The following BTBD7 variants were observed in gnomAD, a reference collection of about 807,000 sequenced individuals.
The protein encoded by BTBD7 is BTB domain containing 7, also known as BTB/POZ domain-containing protein 7.
A neutral mutation model predicts 99.9 loss-of-function variants in BTBD7; 38 were observed. The ratio of observed to expected loss-of-function variants is 0.38; its 90% CI spans 0.29 to 0.50. The LOEUF (loss-of-function observed/expected upper bound fraction) is 0.50. Among genes scored for constraint, BTBD7 ranks in the 20% least tolerant of loss-of-function variants. The probability of loss-of-function intolerance (pLI) is 0.93; values close to 1 mark genes in which losing one functional copy is unlikely to be tolerated. For missense variants in BTBD7, 1,170 were observed against 1,394.6 expected, an observed-to-expected ratio of 0.84 and a Z score of 2.57; for synonymous variants, 520 against 511.4, an observed-to-expected ratio of 1.02 and a Z score of -0.23.
At chr14:93,263,122 G>A (rs11629322) in intron 4 of BTBD7, among the ~76,000 whole-genome samples, 25,974 of 152,090 alleles carry the variant, frequency 0.17, 2,395 homozygotes, top group East Asian at 0.31. Flanking sequence ...GCATTAAAAC[G>A]GTTGTACAGT....
intron 6 of BTBD7, chr14:93,256,229 G>C (rs917838544): frequency 6.6e-6 from 1 of 152,020 alleles, no homozygotes; most frequent in Non-Finnish European, 1.5e-5. Flanking sequence ...ACATTGACTT[G>C]TGATAGTTCG....
At chr14:93,277,619 T>G (rs1057102556) in intron 3 of BTBD7, among the ~76,000 whole-genome samples, 1 of 152,196 alleles carries the variant, frequency 6.6e-6, no homozygotes, top group African/African-American at 2.4e-5. Context: ...CCGTCTACCC[T>G]AGGGGGTTAC....
At chr14:93,268,757 T>TC (rs1491583522) in intron 3 of BTBD7, among the ~76,000 whole-genome samples, 1 of 81,726 alleles carries the variant, frequency 1.2e-5, no homozygotes, top group Non-Finnish European at 2.3e-5. Flanking sequence ...AACTTAGACC[T>TC]TTTTTTTTTT....
Position 93,276,892 on chromosome 14 carries a change from ATTTTTTTTT to A in BTBD7, c.1163-12908_1163-12900del, listed in dbSNP as rs549579457. The stretch of plus-strand genomic sequence containing the variant: ...CCACGACACACACACACACAGATTA[ATTTTTTTTT>A]TTTTTTTTTTTTTTTTTTGAGATGG... On this transcript the variant is annotated intron_variant, in intron 3 of 10. Coordinates refer to ENST00000334746, the MANE Select transcript of BTBD7 (RefSeq NM_001002860.4). 5.0e-4 allele frequency among the ~76,000 whole-genome samples: 40 copies of A among 80,408 alleles called. 1 individual carries two copies. Among genetic ancestry groups the A allele is most frequent in the Middle Eastern group, 0.016 (2 of 122 alleles). 52.8% of individuals were successfully genotyped at this position (80,408 alleles called of 152,430 possible).
Position 93,251,474 on chromosome 14 carries a change from T to C in BTBD7, c.1931A>G (p.Asn644Ser), listed in dbSNP as rs1248569660. 8 of 1,592,670 alleles carry C rather than the reference T, an allele frequency of 5.0e-6. No homozygotes were observed. The highest frequency in any genetic ancestry group is 1.7e-5 in the Admixed American group (1 of 58,926). ...NQSSPPSVVA[N>S]EIPVPRLLIM... Reference sequence around the variant, plus strand: ...ACATACTGCCTTACCTGGAATTTCGTTGGCTACAACTGAAGGAGGGCTTGA... The same window carrying C: ...ACATACTGCCTTACCTGGAATTTCGCTGGCTACAACTGAAGGAGGGCTTGA... The change falls in exon 8 of 11, where the codon AAC (asparagine) becomes AGC (serine). Residue 644 changes from asparagine to serine, a missense_variant. Asn to Ser is a conservative substitution (Grantham distance 46). Transcript: ENST00000334746.
chr14:93,259,259 T>G (rs756932950), intron 5 of BTBD7, among the ~76,000 whole-genome samples: 4 of 152,192 alleles, frequency 2.6e-5, no homozygotes, highest in Non-Finnish European at 5.9e-5. Context: ...CCAACAGCAC[T>G]GTAACTCACG....
intron 3 of BTBD7, among the ~76,000 whole-genome samples, chr14:93,276,148 C>T (rs11846683): frequency 0.083 from 12,610 of 152,186 alleles, 553 homozygotes; most frequent in Middle Eastern, 0.13. Context: ...CTTGGGAGGT[C>T]AAGGTTGCAG....
chr14:93,305,542 A>T (rs1292779743), intron 1 of BTBD7, among the ~76,000 whole-genome samples: 2 of 152,252 alleles, frequency 1.3e-5, no homozygotes, highest in Non-Finnish European at 2.9e-5. Flanking sequence ...GGGCTTTCTT[A>T]TAACTATGGT....
chr14:93,265,788 G>A (rs7146258), intron 3 of BTBD7, among the ~76,000 whole-genome samples: 1,939 of 152,240 alleles, frequency 0.013, 46 homozygotes, highest in African/African-American at 0.045. Context: ...TGGGTGTGGC[G>A]GCAAGTGCCT....
At chr14:93,321,887 G>A (rs2139824232) in intron 1 of BTBD7, among the ~76,000 whole-genome samples, 1 of 152,042 alleles carries the variant, frequency 6.6e-6, no homozygotes, top group Non-Finnish European at 1.5e-5. Context: ...CTCTTTTCTT[G>A]GTGAAAATAA....
intron 3 of BTBD7, among the ~76,000 whole-genome samples, chr14:93,283,695 G>A (rs1472916219): frequency 6.6e-6 from 1 of 152,166 alleles, no homozygotes; most frequent in East Asian, 1.9e-4. Flanking sequence ...GGGATTACAG[G>A]TGTGCGCCAC....
chr14:93,242,928 A>G lies in BTBD7; in HGVS notation c.2744T>C (p.Ile915Thr), dbSNP rs1357432960. 1 of 1,613,986 alleles carries G rather than the reference A, an allele frequency of 6.2e-7. No individual in the cohort carries two copies. The highest frequency in any genetic ancestry group is 1.3e-5 in the African/African-American group (1 of 74,878). The change falls in exon 11 of 11, where the codon ATT becomes ACT. Residue 915 changes from isoleucine to threonine, a missense_variant. Ile to Thr is a moderately conservative substitution (Grantham distance 89). Around this residue, in one of 4 missense-constraint regions of BTBD7, gnomAD observed 495 missense variants for 525.9 expected, o/e 0.94. Transcript: ENST00000334746. ...GPGPPQHLSC[I>T]PQRHTHTSRK... ...AGAAGTGTGTGTATGTCTCTGTGGA[A>G]TACACGACAGATGCTGGGGAGGCCC...
intron 3 of BTBD7, among the ~76,000 whole-genome samples, chr14:93,289,877 ACAGAGTCTCACT>A (rs2052826885): frequency 8.1e-6 from 1 of 123,962 alleles, no homozygotes; most frequent in Non-Finnish European, 1.6e-5. Flanking sequence ...TTTTTTGGAG[ACAGAGTCTCACT>A]CAGTTGCCCA....
In BTBD7 at chr14:93,243,078, G is replaced by A. The variant is rs747697657; in HGVS notation, c.2594C>T (p.Pro865Leu). 6.2e-7 allele frequency: 1 copy of A among 1,610,392 alleles called. No individual in the cohort carries two copies. Among genetic ancestry groups the A allele is most frequent in the South Asian group, 1.1e-5 (1 of 91,006 alleles). ...AASEKQVRTQ[P>L]VLNDLMPDIA... ...GTCTGGCATCAGATCATTCAGCACA[G>A]GTTGTGTTCGCTGCAGACAGAGACA... The change falls in exon 11 of 11, where the codon CCT becomes CTT. Residue 865 changes from proline to leucine, a missense_variant. Transcript: ENST00000334746.
In BTBD7 at chr14:93,308,268, C is replaced by A. The variant is rs1282922899; in HGVS notation, c.-106-12111G>T. On this transcript the variant is annotated intron_variant, in intron 1 of 10. Coordinates refer to ENST00000334746, the MANE Select transcript of BTBD7 (RefSeq NM_001002860.4). ...CACCACTGCACTCCAGCCTAGGCGA[C>A]AGAGCCAGACTCGGTCTCCAAAAAA... Among the ~76,000 whole-genome samples, 4 of 138,862 alleles carry A rather than the reference C, an allele frequency of 2.9e-5. 1 individual carries two copies. Among genetic ancestry groups the A allele is most frequent in the African/African-American group, 1.1e-4 (4 of 35,522 alleles). The allele number at this position is 138,862 out of a possible 152,430, so 91.1% of individuals were successfully genotyped here. A position where few individuals can be genotyped will look rare whatever the true frequency, so the allele number is the denominator to read the frequency against.
intron 3 of BTBD7, among the ~76,000 whole-genome samples, chr14:93,287,365 T>A (rs1441591151): frequency 8.5e-6 from 1 of 117,252 alleles, no homozygotes; most frequent in African/African-American, 3.3e-5. Flanking sequence ...TCAGTTCTGC[T>A]CCCCAGAGGT....
chr14:93,248,145 C>CAATA (rs145302809), intron 9 of BTBD7, among the ~76,000 whole-genome samples: 1,862 of 152,278 alleles, frequency 0.012, 40 homozygotes, highest in African/African-American at 0.042. Flanking sequence ...AGCTGCTGTA[C>CAATA]AATAGCACTC....
In BTBD7 at chr14:93,263,730, G is replaced by A. The variant is rs76917099; in HGVS notation, c.1371+55C>T. 1.8e-3 allele frequency: 2,718 copies of A among 1,498,484 alleles called. 23 individuals are homozygous for A. In the East Asian group the frequency reaches 0.026, roughly 15 times the overall value. 92.8% of individuals were successfully genotyped at this position (1,498,484 alleles called of 1,614,324 possible). On this transcript the variant is annotated intron_variant, in intron 4 of 10. Transcript: ENST00000334746. Reference sequence around the variant, plus strand: ...GATGGAAGAGTAATAGAGCATAGATGGGTTTCTTGGCGCACATATGAATGA... The same window carrying A: ...GATGGAAGAGTAATAGAGCATAGATAGGTTTCTTGGCGCACATATGAATGA...
rs2052181808 is a variant in BTBD7, at chr14:93,238,174, G to A, written c.*4099C>T. Reference sequence around the variant, plus strand: ...GAGGTTATTTTCAAGACACACACTTGCAAGTAATCTTTCTATAGAAATGGC... The same window carrying A: ...GAGGTTATTTTCAAGACACACACTTACAAGTAATCTTTCTATAGAAATGGC... On this transcript the variant is annotated 3_prime_UTR_variant, in exon 11 of 11. Transcript: ENST00000334746. 6.6e-6 allele frequency: 1 copy of A among 152,460 alleles called. No homozygotes were observed. The highest frequency in any genetic ancestry group is 1.5e-5 in the Non-Finnish European group (1 of 68,022). The allele number at this position is 152,460 out of a possible 1,614,324, so 9.4% of individuals were successfully genotyped here.
Sources: gnomAD v4.1 joint callset for allele counts (sites outside exome capture counted in the v4.1 genomes callset) on GRCh38, gnomAD v4.1.1 for gene constraint, gnomAD v4.1.1 regional missense constraint, MANE v1.5 for transcripts, NCBI Gene and HGNC (gene_info 2026-07-23, HGNC 2026-07-21) for gene names.